TMTC2: variants seen among roughly 807,000 people sequenced by gnomAD.
TMTC2 encodes the protein protein O-mannosyl-transferase TMTC2.
TMTC2 carries 43 observed loss-of-function variants against 82.4 expected under a neutral mutation model. The ratio of observed to expected loss-of-function variants is 0.52; its 90% confidence interval spans 0.41 to 0.67. The LOEUF (loss-of-function observed/expected upper bound fraction) is 0.67, where lower values mean the gene tolerates loss of function less well. Ranked by LOEUF, TMTC2 falls within the 30% of genes least tolerant of loss-of-function variation. The pLI is 0.00. For synonymous variants in TMTC2, 408 were observed against 381.9 expected, an observed-to-expected ratio of 1.07 and a Z score of -0.80; for missense variants, 919 against 1,012.4, an observed-to-expected ratio of 0.91 and a Z score of 1.25.
intron 1 of TMTC2, among the ~76,000 whole-genome samples, chr12:82,845,295 A>G (rs1359020321): frequency 2.1e-5 from 3 of 145,632 alleles, no homozygotes; most frequent in Non-Finnish European, 4.5e-5. Flanking sequence ...ACACATTGCA[A>G]CATACCACAA....
chr12:82,832,228 TA>T (rs768703605), intron 1 of TMTC2, among the ~76,000 whole-genome samples: 22 of 149,814 alleles, frequency 1.5e-4, no homozygotes, highest in Admixed American at 2.7e-4. Context: ...GCTGTGAAGT[TA>T]AAAAAAAAAT....
At chr12:82,744,196 C>T (rs561764786) in intron 1 of TMTC2, among the ~76,000 whole-genome samples, 27 of 151,986 alleles carry the variant, frequency 1.8e-4, no homozygotes, top group Non-Finnish European at 3.2e-4. Context: ...CCGAGGCGGG[C>T]GGATTGTGAG....
At chr12:83,047,093 G>T (rs1387974011) in intron 9 of TMTC2, among the ~76,000 whole-genome samples, 1 of 152,192 alleles carries the variant, frequency 6.6e-6, no homozygotes, top group Admixed American at 6.5e-5. Context: ...AAACTTAGAG[G>T]CTGAGAGATC....
At chr12:83,089,194 G>A (rs549238552) in intron 11 of TMTC2, among the ~76,000 whole-genome samples, 5 of 152,306 alleles carry the variant, frequency 3.3e-5, no homozygotes, top group African/African-American at 1.2e-4. Context: ...GCAATAGGCT[G>A]TTTTCCTACA....
chr12:83,061,138 C>G (rs1178871021), intron 10 of TMTC2, among the ~76,000 whole-genome samples: 2 of 151,772 alleles, frequency 1.3e-5, no homozygotes, highest in Non-Finnish European at 3.0e-5. Context: ...TCTGGCCTTG[C>G]TTTCATCTTT....
chr12:83,011,803 A>C (rs2137387544), intron 8 of TMTC2, among the ~76,000 whole-genome samples: 1 of 152,334 alleles, frequency 6.6e-6, no homozygotes, highest in South Asian at 2.1e-4. Context: ...CAGGCTTCTT[A>C]TTGCATATGA....
chr12:83,060,100 A>G (rs919571974), intron 10 of TMTC2, among the ~76,000 whole-genome samples: 1 of 151,766 alleles, frequency 6.6e-6, no homozygotes, highest in Non-Finnish European at 1.5e-5. Context: ...AAACTAAAGT[A>G]CTTCTCTTGA....
At chr12:83,076,854 A>G (rs1256116634) in intron 11 of TMTC2, among the ~76,000 whole-genome samples, 2 of 152,090 alleles carry the variant, frequency 1.3e-5, no homozygotes, top group Non-Finnish European at 2.9e-5. Flanking sequence ...CTTATTAACT[A>G]TCTGAACTCC....
intron 11 of TMTC2, among the ~76,000 whole-genome samples, chr12:83,123,093 T>C (rs1478554458): frequency 6.6e-6 from 1 of 152,210 alleles, no homozygotes; most frequent in East Asian, 1.9e-4. Context: ...GGCATTTTGA[T>C]AGCCATAGAA....
At chr12:82,863,723 G>T (rs1016635030) in intron 2 of TMTC2, among the ~76,000 whole-genome samples, 7 of 151,986 alleles carry the variant, frequency 4.6e-5, no homozygotes, top group Non-Finnish European at 7.4e-5. Context: ...TTGGAACAAC[G>T]ATCTATTCAC....
chr12:83,071,610 G>A (rs1242820158), intron 11 of TMTC2, among the ~76,000 whole-genome samples: 1 of 152,188 alleles, frequency 6.6e-6, no homozygotes, highest in Non-Finnish European at 1.5e-5. Context: ...GAATTCTGCT[G>A]TGAATCTGTC....
At chr12:82,689,795 G>A (rs1164956421) in intron 1 of TMTC2, among the ~76,000 whole-genome samples, 2 of 152,104 alleles carry the variant, frequency 1.3e-5, no homozygotes, top group Non-Finnish European at 2.9e-5. Context: ...TAGCTACATA[G>A]GTGAATATAG....
At chr12:82,788,966 A>T (rs1358239599) in intron 1 of TMTC2, among the ~76,000 whole-genome samples, 1 of 152,156 alleles carries the variant, frequency 6.6e-6, no homozygotes, top group Non-Finnish European at 1.5e-5. Context: ...AGAGTTTCAG[A>T]ACAGCTCAGG....
chr12:82,748,541 A>G (rs576615210), intron 1 of TMTC2, among the ~76,000 whole-genome samples: 1 of 152,150 alleles, frequency 6.6e-6, no homozygotes, highest in South Asian at 2.1e-4. Context: ...TACCTGTCAC[A>G]TAAGAGGTAC....
At position 82,896,290 on chromosome 12, in the gene TMTC2, G is replaced by A. The variant is rs756983285; in HGVS notation, c.1127G>A (p.Gly376Asp). ...AGCTTTGCATCCAAAGTAGAAAATG[G>A]CATTAAAAACGATGTATCACAGAGA... ...KSSFASKVEN[G>D]IKNDVSQRTQ... is the part of the protein sequence containing the mutation. Residue 376 changes from glycine (G) to aspartate (D), a missense_variant, in exon 3 of 12, where the codon GGC becomes GAC. By Grantham distance (94) the Gly-to-Asp change is moderately conservative. Coordinates refer to ENST00000321196, the MANE Select transcript of TMTC2 (RefSeq NM_152588.3). 4 of 1,614,080 alleles carry A rather than the reference G, an allele frequency of 2.5e-6. No homozygotes were observed. Among genetic ancestry groups the A allele is most frequent in the East Asian group, 2.2e-5 (1 of 44,868 alleles).
At chr12:83,076,728 A>C (rs140689458) in intron 11 of TMTC2, among the ~76,000 whole-genome samples, 1 of 152,354 alleles carries the variant, frequency 6.6e-6, no homozygotes, top group Non-Finnish European at 1.5e-5. Context: ...ATATACACTG[A>C]AACATTAAAC....
In TMTC2 at chr12:82,909,857, A is replaced by G. The variant is rs143719297; in HGVS notation, c.1483+13211A>G. On this transcript the variant is annotated intron_variant, in intron 3 of 11. Transcript: ENST00000321196. Reference sequence around the variant, plus strand: ...AATGATTAGCTATGTTAGAAGTTCTATTTGAGAATAGAGTTAAGATCAGAG... The same window carrying G: ...AATGATTAGCTATGTTAGAAGTTCTGTTTGAGAATAGAGTTAAGATCAGAG... Among the ~76,000 whole-genome samples the G allele has an allele frequency of 7.7e-4, 118 of 152,314 alleles. 1 individual carries two copies. In the East Asian group the frequency reaches 0.022, roughly 28 times the overall value.
intron 11 of TMTC2, among the ~76,000 whole-genome samples, chr12:83,095,246 T>C (rs1023300714): frequency 1.3e-5 from 2 of 151,288 alleles, no homozygotes; most frequent in African/African-American, 4.9e-5. Flanking sequence ...TTTTTTGTTT[T>C]TTTTGTTTTT....
intron 11 of TMTC2, among the ~76,000 whole-genome samples, chr12:83,075,542 G>A (rs538862953): frequency 6.6e-6 from 1 of 152,204 alleles, no homozygotes; most frequent in East Asian, 1.9e-4. Context: ...ATTGCAACCA[G>A]ATATCATTGA....
Sources: allele counts gnomAD v4.1 joint callset (sites outside exome capture counted in the v4.1 genomes callset), GRCh38; gene constraint gnomAD v4.1.1; transcripts MANE v1.5; gene names NCBI Gene and HGNC (gene_info 2026-07-23, HGNC 2026-07-21).